Variants in H6PD observed in about 807,000 individuals in gnomAD.
H6PD encodes the protein GDH/6PGL endoplasmic bifunctional protein.
A neutral mutation model predicts 61.2 loss-of-function variants in H6PD; 48 were observed. The observed-to-expected ratio is 0.78, with a 90% confidence interval of 0.62 to 1.00. The LOEUF (loss-of-function observed/expected upper bound fraction) is 1.00, where lower values mean the gene tolerates loss of function less well. Among genes scored for constraint, H6PD ranks in the 50% least tolerant of loss-of-function variants. H6PD has a pLI of 0.00. For synonymous variants in H6PD, 480 were observed against 457.9 expected (o/e 1.05, Z -0.62); for missense variants, 1,093 against 1,065.0 (o/e 1.03, Z -0.37).
Position 9,263,836 on chromosome 1 carries a change from C to T in H6PD, c.1343C>T (p.Ala448Val), listed in dbSNP as rs147962990. ...GGCAGCCCTCTGTCCGATTACTACG[C>T]CTACAGCCCTGTGCGGGAGCGGGAC... ...LFGSPLSDYY[A>V]YSPVRERDAH... Residue 448 changes from alanine to valine, a missense_variant, in exon 5 of 5, where the codon GCC (alanine) becomes GTC (valine). Ala to Val is a moderately conservative substitution (Grantham distance 64). Coordinates refer to ENST00000377403, the MANE Select transcript of H6PD (RefSeq NM_004285.4). 1,549 of 1,613,960 alleles carry T rather than the reference C, an allele frequency of 9.6e-4. 2 individuals are homozygous for T. Among genetic ancestry groups the T allele is most frequent in the Middle Eastern group, 2.6e-3 (16 of 6,062 alleles).
At chr1:9,255,811 A>C (rs899651552) in intron 3 of H6PD, among the ~76,000 whole-genome samples, 5 of 152,134 alleles carry the variant, frequency 3.3e-5, no homozygotes, top group Non-Finnish European at 7.4e-5. Flanking sequence ...CCCGGTAGGC[A>C]TTGGAATCTC....
In H6PD at chr1:9,264,619, G is replaced by T; in HGVS notation, c.2126G>T (p.Gly709Val). 1.2e-6 allele frequency: 2 copies of T among 1,613,092 alleles called. No homozygotes were observed. Among genetic ancestry groups the T allele is most frequent in the Non-Finnish European group, 1.7e-6 (2 of 1,179,944 alleles). Residue 709 changes from glycine to valine, a missense_variant, in exon 5 of 5, where the codon GGC becomes GTC. Physicochemically the swap from Gly to Val is moderately radical, Grantham distance 109. Transcript: ENST00000377403. ...TASLFPQSPT[G>V]LDGEQLVVLT... ...TCCCTCTTCCCACAGTCACCCACTG[G>T]CCTGGATGGCGAGCAGCTGGTCGTG...
intron 3 of H6PD, 56 bp downstream of exon 3, chr1:9,247,139 C>T (rs199600564): frequency 1.2e-4 from 142 of 1,186,406 alleles, no homozygotes; most frequent in Non-Finnish European, 1.6e-4. Flanking sequence ...CCGCTGTCTG[C>T]GGTGAGGCAT....
At chr1:9,255,349 A>G (rs1250390989) in intron 3 of H6PD, among the ~76,000 whole-genome samples, 7 of 152,168 alleles carry the variant, frequency 4.6e-5, no homozygotes, top group African/African-American at 1.7e-4. Flanking sequence ...TGGTGCAATC[A>G]TAGCCCACTG....
chr1:9,241,786 A>G (rs1641005800), intron 1 of H6PD, among the ~76,000 whole-genome samples: 1 of 152,066 alleles, frequency 6.6e-6, no homozygotes, highest in Non-Finnish European at 1.5e-5. Flanking sequence ...CTTCTGCTTG[A>G]CAAAGGAAGC....
rs1292459000 is a variant in H6PD, at chr1:9,268,802, T to A, written c.*3933T>A. 1 of 152,230 alleles carries A rather than the reference T, an allele frequency of 6.6e-6. No individual in the cohort carries two copies. Among genetic ancestry groups the A allele is most frequent in the Non-Finnish European group, 1.5e-5 (1 of 68,032 alleles). The allele number at this position is 152,230 out of a possible 1,614,324, so 9.4% of individuals were successfully genotyped here. A position where few individuals can be genotyped will look rare whatever the true frequency, so the allele number is the denominator to read the frequency against. On this transcript the variant is annotated 3_prime_UTR_variant, in exon 5 of 5. Transcript: ENST00000377403. ...GGGCTCAGGCTCCCAATTCCGGGCC[T>A]GTCTGCTTTGCTTGTGTTTCTCCTG...
At chr1:9,253,568 T>G (rs2100357575) in intron 3 of H6PD, among the ~76,000 whole-genome samples, 1 of 152,364 alleles carries the variant, frequency 6.6e-6, no homozygotes, top group East Asian at 1.9e-4. Flanking sequence ...GAAACCCTTT[T>G]CTTTCTTAGG....
chr1:9,264,074 G>A lies in H6PD; in HGVS notation c.1581G>A (p.Pro527=), dbSNP rs201056307. 295 of 1,614,044 alleles carry A rather than the reference G, an allele frequency of 1.8e-4. No homozygotes were observed. Among genetic ancestry groups the A allele is most frequent in the Middle Eastern group, 5.0e-4 (3 of 6,060 alleles). The change falls in exon 5 of 5, where the codon CCG becomes CCA. Residue 527 remains proline, a synonymous_variant. Transcript: ENST00000377403. ...SGRLFFSQQQ[P]EQLVPGPGPA... ...GGTTGTTCTTTTCCCAGCAGCAGCC[G>A]GAGCAGCTGGTGCCAGGGCCAGGGC...
At chr1:9,261,918 G>A (rs1489991708) in intron 3 of H6PD, 141 bp from the exon 4 acceptor site, 3 of 848,060 alleles carry the variant, frequency 3.5e-6, no homozygotes, top group Non-Finnish European at 3.9e-6. Flanking sequence ...GCTTTGGTGT[G>A]CACCATTTTT....
In H6PD at chr1:9,245,599, GCTGGGCGCTGGTAGAC is replaced by G; in HGVS notation, c.627+40_627+55del. 1 of 1,605,144 alleles carries G rather than the reference GCTGGGCGCTGGTAGAC, an allele frequency of 6.2e-7. No homozygotes were observed. On this transcript the variant is annotated intron_variant, in intron 2 of 4. Coordinates refer to ENST00000377403, the MANE Select transcript of H6PD (RefSeq NM_004285.4). This position sits in a 1 kb window ranked among gnomAD's most constrained non-coding sequence, Gnocchi z 4.8. ...ATGGAGCCTGCCAGGGCTAGGGTGA[GCTGGGCGCTGGTAGAC>G]CCCAGCAACAAAGCCGCTCGCTCAT...
chr1:9,247,794 G>A (rs896488440), intron 3 of H6PD, among the ~76,000 whole-genome samples: 2 of 152,012 alleles, frequency 1.3e-5, no homozygotes, highest in African/African-American at 4.8e-5. Flanking sequence ...CCTTGCAGCT[G>A]TGAGATGAGC....
In H6PD at chr1:9,246,962, A is replaced by G. The variant is rs758317342; in HGVS notation, c.628-4A>G. The G allele has an allele frequency of 6.2e-7, 1 of 1,604,096 alleles. No individual in the cohort carries two copies. The highest frequency in any genetic ancestry group is 1.1e-5 in the South Asian group (1 of 90,948). ...CAGCACGCCCAGTCTTCCCCCCCCG[A>G]CAGGCTGTGGCGCAGATCCTGCCTT... On this transcript the variant is annotated splice_region_variant and splice_polypyrimidine_tract_variant and intron_variant, in intron 2 of 4. Coordinates refer to ENST00000377403, the MANE Select transcript of H6PD (RefSeq NM_004285.4).
chr1:9,263,875 T>C lies in H6PD; in HGVS notation c.1382T>C (p.Leu461Pro). 2 of 1,614,132 alleles carry C rather than the reference T, an allele frequency of 1.2e-6. No homozygotes were observed. Among genetic ancestry groups the C allele is most frequent in the South Asian group, 1.1e-5 (1 of 91,088 alleles). Residue 461 changes from leucine to proline, a missense_variant, in exon 5 of 5, where the codon CTC becomes CCC. Leu to Pro is a moderately conservative substitution (Grantham distance 98). Transcript: ENST00000377403. The stretch of plus-strand genomic sequence containing the variant: ...CGGGAGCGGGACGCCCACTCCGTCC[T>C]CTTATCCCATATCTTCCATGGCCGG... ...PVRERDAHSV[L>P]LSHIFHGRKN...
At chr1:9,236,695 A>G (rs1005332568) in intron 1 of H6PD, among the ~76,000 whole-genome samples, 2 of 150,454 alleles carry the variant, frequency 1.3e-5, no homozygotes, top group Admixed American at 6.6e-5. Context: ...AAAAGCAGCT[A>G]GGATTTCTTG....
chr1:9,237,133 A>T (rs1640869922), intron 1 of H6PD, among the ~76,000 whole-genome samples: 1 of 149,584 alleles, frequency 6.7e-6, no homozygotes, highest in Non-Finnish European at 1.5e-5. Context: ...CCATTCAGGG[A>T]TGTAGTCACA....
At position 9,254,055 on chromosome 1, in the gene H6PD, C is replaced by T. The variant is rs912502045; in HGVS notation, c.745+6972C>T. 2.0e-5 allele frequency among the ~76,000 whole-genome samples: 3 copies of T among 152,104 alleles called. No individual in the cohort carries two copies. Among genetic ancestry groups the T allele is most frequent in the African/African-American group, 4.8e-5 (2 of 41,416 alleles). On this transcript the variant is annotated intron_variant, in intron 3 of 4. Transcript: ENST00000377403. This position sits in a 1 kb window ranked among gnomAD's most constrained non-coding sequence, Gnocchi z 4.6. ...TCACAGGGCTGAAAGATGGCAGAGC[C>T]GGTATTTAAACCGGGGCAGGCTGGG...
At chr1:9,255,369 C>G (rs1641484302) in intron 3 of H6PD, among the ~76,000 whole-genome samples, 3 of 152,258 alleles carry the variant, frequency 2.0e-5, no homozygotes, top group South Asian at 4.1e-4. Context: ...GCAGCCTCGA[C>G]CTCCTAGGCT....
chr1:9,263,522 C>G lies in H6PD; in HGVS notation c.1029C>G (p.His343Gln). Residue 343 changes from histidine (H) to glutamine (Q), a missense_variant, in exon 5 of 5, where the codon CAC (histidine) becomes CAG (glutamine). Transcript: ENST00000377403. ...LTPTFAAVLV[H>Q]IDNLRWEGVP... Reference sequence around the variant, plus strand: ...CCCTCACCCCAGCCGTCCTAGTGCACATTGACAACCTTCGCTGGGAGGGCG... The same window carrying G: ...CCCTCACCCCAGCCGTCCTAGTGCAGATTGACAACCTTCGCTGGGAGGGCG... 6.2e-7 allele frequency: 1 copy of G among 1,614,174 alleles called. No homozygotes were observed. Among genetic ancestry groups the G allele is most frequent in the Non-Finnish European group, 8.5e-7 (1 of 1,180,006 alleles).
chr1:9,270,203 TCGC>T lies in H6PD; in HGVS notation c.*5336_*5338del, dbSNP rs1247460872. On this transcript the variant is annotated 3_prime_UTR_variant, in exon 5 of 5. Transcript: ENST00000377403. Reference sequence around the variant, plus strand: ...TTCTCAAGGCTGATCTTTAAAACCCTCGCCTTGCTGACAGGTGCTTTAAAGGCA... The same window carrying T: ...TTCTCAAGGCTGATCTTTAAAACCCTCTTGCTGACAGGTGCTTTAAAGGCA... 1 of 152,674 alleles carries T rather than the reference TCGC, an allele frequency of 6.5e-6. No homozygotes were observed. The highest frequency in any genetic ancestry group is 1.5e-5 in the Non-Finnish European group (1 of 68,044). The allele number at this position is 152,674 out of a possible 1,614,324, so 9.5% of individuals were successfully genotyped here.
Sources: allele counts gnomAD v4.1 joint callset (sites outside exome capture counted in the v4.1 genomes callset), GRCh38; gene constraint gnomAD v4.1.1; non-coding constraint Gnocchi (gnomAD v3.1); transcripts MANE v1.5; gene names NCBI Gene and HGNC (gene_info 2026-07-23, HGNC 2026-07-21).